Variants in TBC1D13 observed in about 807,000 individuals in gnomAD.
TBC1D13 encodes the protein epididymis secretory sperm binding protein.
TBC1D13 carries 40 observed loss-of-function variants against 53.6 expected under a neutral mutation model. The ratio of observed to expected loss-of-function variants is 0.75; its 90% CI spans 0.58 to 0.97. TBC1D13 has a LOEUF of 0.97. Among genes scored for constraint, TBC1D13 ranks in the 50% least tolerant of loss-of-function variants. The pLI is 0.00. For missense variants in TBC1D13, 377 were observed against 499.4 expected, an observed-to-expected ratio of 0.75 and a Z score of 2.34; for synonymous variants, 182 against 197.7, an observed-to-expected ratio of 0.92 and a Z score of 0.67.
intron 1 of TBC1D13, 68 bp from the exon 2 acceptor site, chr9:128,788,266 C>CAGTG (rs1589563793): frequency 2.1e-6 from 3 of 1,415,874 alleles, no homozygotes; most frequent in Non-Finnish European, 1.0e-6. Context: ...TGTGAGGGAG[C>CAGTG]TGAGGGCTGT....
intron 2 of TBC1D13, among the ~76,000 whole-genome samples, chr9:128,790,517 T>C (rs1278597516): frequency 6.6e-6 from 1 of 152,186 alleles, no homozygotes; most frequent in African/African-American, 2.4e-5. Context: ...GAGGCTGCAG[T>C]GAGCCGAGAT....
intron 7 of TBC1D13, among the ~76,000 whole-genome samples, chr9:128,800,806 AGAGT>A (rs1564425476): frequency 6.6e-6 from 1 of 152,102 alleles, no homozygotes; most frequent in African/African-American, 2.4e-5. Context: ...ATATATAGAG[AGAGT>A]AAGTTGCAGG....
At chr9:128,794,984 A>G (rs1829601899) in intron 6 of TBC1D13, among the ~76,000 whole-genome samples, 2 of 151,702 alleles carry the variant, frequency 1.3e-5, no homozygotes, top group Middle Eastern at 3.4e-3. Context: ...ATTCTGTTGT[A>G]CAGTGTGAAA....
chr9:128,805,933 G>C lies in TBC1D13; in HGVS notation c.993G>C (p.Leu331=). ...LTLLLSQEFL[L]PDVIRIWDSL... is the part of the protein sequence containing the mutation. ...TGCTGCTGTCCCAGGAGTTCTTGCT[G>C]CCTGACGTCATCCGCATCTGGGACT... The change falls in exon 10 of 12, where the codon CTG becomes CTC. Residue 331 remains leucine, a synonymous_variant. Transcript: ENST00000372648. 1 of 1,614,154 alleles carries C rather than the reference G, an allele frequency of 6.2e-7. No individual in the cohort carries two copies. Among genetic ancestry groups the C allele is most frequent in the Non-Finnish European group, 8.5e-7 (1 of 1,180,044 alleles).
Position 128,792,619 on chromosome 9 carries a change from G to C in TBC1D13, c.383+45G>C, listed in dbSNP as rs763658727. On this transcript the variant is annotated intron_variant, in intron 6 of 11. Transcript: ENST00000372648. ...CCGGGAGCTGGCCCATGGGACTTCT[G>C]GGGCTCTCTGCAGCTCTGTCTTTTC... The C allele has an allele frequency of 8.4e-6, 13 of 1,552,610 alleles. No homozygotes were observed. The East Asian group carries it at 2.7e-4, about 33-fold the overall frequency.
intron 6 of TBC1D13, 35 bp downstream of exon 6, chr9:128,792,609 T>C (rs774950897): frequency 6.4e-7 from 1 of 1,571,456 alleles, no homozygotes; most frequent in Non-Finnish European, 8.7e-7. Context: ...AGCTGGCCCA[T>C]GGGACTTCTG....
Position 128,790,478 on chromosome 9 carries a change from G to A in TBC1D13, c.98-257G>A, listed in dbSNP as rs567002510. ...AATCCCAGCTACCTGGGAGGCTGAG[G>A]CTGGAGAATCGCTGGAACTCGGGAG... On this transcript the variant is annotated intron_variant, in intron 2 of 11. Transcript: ENST00000372648. 7.9e-4 allele frequency among the ~76,000 whole-genome samples: 120 copies of A among 152,294 alleles called. 1 individual carries two copies. Among genetic ancestry groups the A allele is most frequent in the African/African-American group, 2.6e-3 (109 of 41,556 alleles).
At position 128,797,063 on chromosome 9, in the gene TBC1D13, G is replaced by T; in HGVS notation, c.392G>T (p.Cys131Phe). The change falls in exon 7 of 12, where the codon TGC becomes TTC. Residue 131 changes from cysteine (C) to phenylalanine (F), a missense_variant. Transcript: ENST00000372648. ...LQIDKDVRRL[C>F]PDISFFQRAT... ...CTGTTCCCTCTTGACAGGAGGTTGT[G>T]CCCAGACATTTCCTTCTTCCAGAGG... The T allele has an allele frequency of 6.2e-7, 1 of 1,614,054 alleles. No homozygotes were observed. Among genetic ancestry groups the T allele is most frequent in the East Asian group, 2.2e-5 (1 of 44,876 alleles).
chr9:128,789,119 C>T (rs148657226), intron 2 of TBC1D13, among the ~76,000 whole-genome samples: 3,094 of 151,970 alleles, frequency 0.02, 108 homozygotes, highest in African/African-American at 0.071. Flanking sequence ...GTCAGGAGTT[C>T]GAGAACAGCC....
In TBC1D13 at chr9:128,792,008, G is replaced by A. The variant is rs141628365; in HGVS notation, c.300+315G>A. On this transcript the variant is annotated intron_variant, in intron 5 of 11. Coordinates refer to ENST00000372648, the MANE Select transcript of TBC1D13 (RefSeq NM_018201.5). ...AGCAGGGCGGGAGGGAGGCTAAGCT[G>A]CCAGGAAGCCTTGTTCTCCTCAAAT... 9.7e-3 allele frequency among the ~76,000 whole-genome samples: 1,484 copies of A among 152,312 alleles called. 11 individuals are homozygous for A. Among genetic ancestry groups the A allele is most frequent in the Middle Eastern group, 0.02 (6 of 294 alleles).
intron 6 of TBC1D13, among the ~76,000 whole-genome samples, chr9:128,793,430 T>C (rs1829570450): frequency 6.6e-6 from 1 of 152,200 alleles, no homozygotes; most frequent in African/African-American, 2.4e-5. Context: ...AGGCAGGCCT[T>C]GTCCACAGGT....
rs1234301690 is a variant in TBC1D13, at chr9:128,805,990, C to T, written c.1050C>T (p.Phe350=). ...TCGCCGATGACAACCGCTTTGACTT[C>T]CTCCTCCTCGTCTGCTGCGCCATGC... The part of the protein sequence containing the change: ...SLFADDNRFD[F]LLLVCCAMLM... Residue 350 remains phenylalanine (F), a synonymous_variant, in exon 10 of 12, where the codon TTC becomes TTT. Coordinates refer to ENST00000372648, the MANE Select transcript of TBC1D13 (RefSeq NM_018201.5). The T allele has an allele frequency of 3.1e-6, 5 of 1,614,068 alleles. No homozygotes were observed. The highest frequency in any genetic ancestry group is 1.6e-4 in the Middle Eastern group (1 of 6,080).
At chr9:128,791,329 G>A in intron 3 of TBC1D13, 51 bp from the exon 4 acceptor site, 4 of 1,546,662 alleles carry the variant, frequency 2.6e-6, no homozygotes, top group Non-Finnish European at 3.6e-6. Context: ...CCTAAAGACT[G>A]ACGTTGGTGC....
chr9:128,796,927 C>T, intron 6 of TBC1D13, 128 bp from the exon 7 acceptor site: 2 of 1,027,616 alleles, frequency 1.9e-6, no homozygotes, highest in Non-Finnish European at 1.5e-6. Context: ...CAGTGCAAGA[C>T]TCCATCTCAA....
rs1324154800 is a variant in TBC1D13 at position 128,787,306 on chromosome 9, C to T, written c.-48C>T. The T allele has an allele frequency of 2.4e-6, 3 of 1,255,694 alleles. No individual in the cohort carries two copies. Among genetic ancestry groups the T allele is most frequent in the African/African-American group, 1.5e-5 (1 of 64,552 alleles). The allele number at this position is 1,255,694 out of a possible 1,614,324, so 77.8% of individuals were successfully genotyped here. A position where few individuals can be genotyped will look rare whatever the true frequency, so the allele number is the denominator to read the frequency against. On this transcript the variant is annotated 5_prime_UTR_variant, in exon 1 of 12. Coordinates refer to ENST00000372648, the MANE Select transcript of TBC1D13 (RefSeq NM_018201.5). ...GCGGCGGCGGCGGCAGCGCAGGCGG[C>T]AGAGGCGCAGGCGGCGGAGGCGGCT...
At chr9:128,806,547 C>T (rs946385717) in intron 11 of TBC1D13, among the ~76,000 whole-genome samples, 13 of 152,228 alleles carry the variant, frequency 8.5e-5, no homozygotes, top group African/African-American at 2.9e-4. Flanking sequence ...GTGTACTCTA[C>T]GTAGGTGTTC....
rs1262166702 is a variant in TBC1D13 at position 128,791,583 on chromosome 9, G to C, written c.201-11G>C. ...CCGTTGGGAATCATCCTTCTCACTT[G>C]TCTCCTGCAGGGAGCTGTATGCCCA... On this transcript the variant is annotated splice_polypyrimidine_tract_variant and intron_variant, in intron 4 of 11. Coordinates refer to ENST00000372648, the MANE Select transcript of TBC1D13 (RefSeq NM_018201.5). 3 of 1,614,100 alleles carry C rather than the reference G, an allele frequency of 1.9e-6. No homozygotes were observed. The highest frequency in any genetic ancestry group is 4.5e-5 in the East Asian group (2 of 44,886).
chr9:128,801,436 T>C (rs947216149), intron 7 of TBC1D13, among the ~76,000 whole-genome samples: 2 of 152,004 alleles, frequency 1.3e-5, no homozygotes, highest in Admixed American at 1.3e-4. Context: ...TCCCAGCACT[T>C]TGGGAGGCTG....
At chr9:128,788,139 G>A (rs1259139048) in intron 1 of TBC1D13, among the ~76,000 whole-genome samples, 195 bp from the exon 2 acceptor site, 1 of 152,220 alleles carries the variant, frequency 6.6e-6, no homozygotes, top group Non-Finnish European at 1.5e-5. Flanking sequence ...TGGTTGTAGA[G>A]GAAGAAGTGA....
Sources: allele counts gnomAD v4.1 joint callset (sites outside exome capture counted in the v4.1 genomes callset), GRCh38; gene constraint gnomAD v4.1.1; transcripts MANE v1.5; gene names NCBI Gene and HGNC (gene_info 2026-07-23, HGNC 2026-07-21).